FBXW7: variants seen among roughly 807,000 people sequenced by gnomAD.
The protein encoded by FBXW7 is F-box/WD repeat-containing protein 7.
FBXW7 carries 11 observed loss-of-function variants against 86.3 expected under a neutral mutation model. The observed-to-expected ratio is 0.13, with a 90% CI of 0.08 to 0.21. The LOEUF (loss-of-function observed/expected upper bound fraction) is 0.21. FBXW7 is among the 10% of genes least tolerant of loss of function. The pLI, the probability that FBXW7 is intolerant of heterozygous loss-of-function variation, is 1.00. For missense variants in FBXW7, 488 were observed against 847.4 expected (o/e 0.58, Z 5.27); for synonymous variants, 313 against 297.9 (o/e 1.05, Z -0.52).
At chr4:152,392,219 A>C (rs549223734) in intron 4 of FBXW7, among the ~76,000 whole-genome samples, 2 of 152,266 alleles carry the variant, frequency 1.3e-5, no homozygotes, top group East Asian at 3.9e-4. Flanking sequence ...GGGAGAGGCC[A>C]TGTCCTCTTG....
chr4:152,423,331 TGCTGTATTACATG>T (rs1739107972), intron 2 of FBXW7, among the ~76,000 whole-genome samples: 2 of 152,206 alleles, frequency 1.3e-5, no homozygotes, highest in African/African-American at 4.8e-5. Flanking sequence ...AAGTTGGTAA[TGCTGTATTACATG>T]GCTGTATTAC....
chr4:152,419,907 G>A (rs527914812), intron 2 of FBXW7, among the ~76,000 whole-genome samples: 17 of 152,090 alleles, frequency 1.1e-4, no homozygotes, highest in African/African-American at 3.1e-4. Context: ...TTTTTTTGCC[G>A]GTGGGGGGTC....
At chr4:152,440,487 T>G (rs1007778820) in intron 2 of FBXW7, among the ~76,000 whole-genome samples, 1 of 152,216 alleles carries the variant, frequency 6.6e-6, no homozygotes, top group African/African-American at 2.4e-5. Flanking sequence ...CACTTAGGAA[T>G]GTCAAACTCT....
intron 2 of FBXW7, among the ~76,000 whole-genome samples, chr4:152,447,188 G>A (rs540802196): frequency 1.3e-5 from 2 of 152,294 alleles, no homozygotes; most frequent in African/African-American, 4.8e-5. Flanking sequence ...TACCACATGT[G>A]ATGACAATTT....
chr4:152,401,519 C>T (rs1369764929), intron 4 of FBXW7, among the ~76,000 whole-genome samples: 1 of 152,070 alleles, frequency 6.6e-6, no homozygotes, highest in Non-Finnish European at 1.5e-5. Flanking sequence ...GGATCAGTGG[C>T]GATGAGAGGC....
Position 152,321,984 on chromosome 4 carries a change from T to A in FBXW7, c.*897A>T, listed in dbSNP as rs903054581. 6.9e-5 allele frequency: 16 copies of A among 232,896 alleles called. No individual in the cohort carries two copies. Among genetic ancestry groups the A allele is most frequent in the African/African-American group, 3.5e-4 (16 of 45,276 alleles). The allele number at this position is 232,896 out of a possible 1,614,324, so 14.4% of individuals were successfully genotyped here. ...AGTTTCAGTGGCAAAAAGTCTTTTT[T>A]CCATAACCAAACTAGAGCAAATTTG... On this transcript the variant is annotated 3_prime_UTR_variant, in exon 14 of 14. Coordinates refer to ENST00000281708, the MANE Select transcript of FBXW7 (RefSeq NM_001349798.2).
chr4:152,385,644 C>T (rs982457286), intron 4 of FBXW7, among the ~76,000 whole-genome samples: 2 of 151,934 alleles, frequency 1.3e-5, no homozygotes, highest in African/African-American at 4.8e-5. Flanking sequence ...AGAAACAAAA[C>T]ATAAGTGAAC....
At chr4:152,510,154 C>T (rs969029354) in intron 2 of FBXW7, among the ~76,000 whole-genome samples, 2 of 152,284 alleles carry the variant, frequency 1.3e-5, no homozygotes, top group African/African-American at 4.8e-5. Context: ...ACCTAAACGT[C>T]CAGTAAATTA....
At chr4:152,471,039 T>A (rs1412976097) in intron 2 of FBXW7, among the ~76,000 whole-genome samples, 1 of 152,004 alleles carries the variant, frequency 6.6e-6, no homozygotes, top group Non-Finnish European at 1.5e-5. Flanking sequence ...TAGCAGAAAA[T>A]GTTGCCATAC....
At chr4:152,334,251 T>C (rs990862500) in intron 7 of FBXW7, among the ~76,000 whole-genome samples, 1 of 152,188 alleles carries the variant, frequency 6.6e-6, no homozygotes, top group African/African-American at 2.4e-5. Context: ...AGCTGAGTCA[T>C]TTAAAATAAA....
At chr4:152,361,174 C>T (rs1245468009) in intron 4 of FBXW7, among the ~76,000 whole-genome samples, 7 of 152,162 alleles carry the variant, frequency 4.6e-5, no homozygotes, top group Admixed American at 3.3e-4. Flanking sequence ...GATCTTTAAT[C>T]AATTCTTTGT....
intron 2 of FBXW7, among the ~76,000 whole-genome samples, chr4:152,445,286 T>C (rs377495348): frequency 6.6e-6 from 1 of 152,202 alleles, no homozygotes; most frequent in Non-Finnish European, 1.5e-5. Flanking sequence ...CAGATGAAAT[T>C]TGGCTTCATC....
At chr4:152,514,489 T>C (rs77671665) in intron 2 of FBXW7, among the ~76,000 whole-genome samples, 2,107 of 152,314 alleles carry the variant, frequency 0.014, 27 homozygotes, top group Middle Eastern at 0.037. Context: ...ATTTGAATAT[T>C]TGACACCTCC....
intron 2 of FBXW7, among the ~76,000 whole-genome samples, chr4:152,486,214 G>A (rs1289780151): frequency 6.6e-6 from 1 of 152,154 alleles, no homozygotes; most frequent in South Asian, 2.1e-4. Flanking sequence ...ATTGAGTGAA[G>A]AGTGAATGTG....
At position 152,324,219 on chromosome 4, in the gene FBXW7, T is replaced by C; in HGVS notation, c.1820A>G (p.Asp607Gly). The C allele has an allele frequency of 6.2e-7, 1 of 1,612,488 alleles. No homozygotes were observed. The highest frequency in any genetic ancestry group is 1.3e-5 in the African/African-American group (1 of 74,938). The change falls in exon 13 of 14, where the codon GAT becomes GGT. Residue 607 changes from aspartate (D) to glycine (G), a missense_variant. Physicochemically the swap from Asp to Gly is moderately conservative, Grantham distance 94. Coordinates refer to ENST00000281708, the MANE Select transcript of FBXW7 (RefSeq NM_001349798.2). ...GNADSTVKIW[D>G]IKTGQCLQTL... ...TTGTAAACACTGTCCTGTTTTGATATCCCAGATTTTAACTGTAGAATCTGC... is the reference window on the plus strand; with the variant it reads ...TTGTAAACACTGTCCTGTTTTGATACCCCAGATTTTAACTGTAGAATCTGC...
intron 2 of FBXW7, among the ~76,000 whole-genome samples, chr4:152,461,625 G>C (rs1416840598): frequency 6.6e-6 from 1 of 152,132 alleles, no homozygotes; most frequent in Non-Finnish European, 1.5e-5. Flanking sequence ...TATACTTGGG[G>C]TTAATTTCTA....
intron 4 of FBXW7, among the ~76,000 whole-genome samples, chr4:152,358,467 G>C (rs896870691): frequency 6.7e-6 from 1 of 150,166 alleles, no homozygotes; most frequent in Non-Finnish European, 1.5e-5. Flanking sequence ...TCCTAAATTA[G>C]TGATTAGTCA....
chr4:152,400,003 G>T (rs1378601116), intron 4 of FBXW7, among the ~76,000 whole-genome samples: 1 of 152,180 alleles, frequency 6.6e-6, no homozygotes, highest in African/African-American at 2.4e-5. Flanking sequence ...AAACGATACT[G>T]AAGGAGAGGA....
At chr4:152,384,410 GTAAAA>G in intron 4 of FBXW7, among the ~76,000 whole-genome samples, 1 of 152,030 alleles carries the variant, frequency 6.6e-6, no homozygotes, top group African/African-American at 2.4e-5. Flanking sequence ...ACTATACTAA[GTAAAA>G]TAAGTCAGTC....
Sources: gnomAD v4.1 joint callset for allele counts (sites outside exome capture counted in the v4.1 genomes callset) on GRCh38, gnomAD v4.1.1 for gene constraint, MANE v1.5 for transcripts, NCBI Gene and HGNC (gene_info 2026-07-23, HGNC 2026-07-21) for gene names.